COL4A3: variants seen among roughly 807,000 people sequenced by gnomAD.
COL4A3 encodes the protein collagen alpha-3(IV) chain.
Under a neutral mutation model 217.4 loss-of-function variants are expected in COL4A3, and 135 were observed. The observed-to-expected ratio is 0.62, with a 90% CI of 0.54 to 0.72. COL4A3 has a LOEUF of 0.72. COL4A3 is among the 30% of genes least tolerant of loss of function. The pLI is 0.00. For missense variants in COL4A3, 1,868 were observed against 2,119.9 expected, an observed-to-expected ratio of 0.88 and a Z score of 2.33; for synonymous variants, 690 against 736.3, an observed-to-expected ratio of 0.94 and a Z score of 1.02.
Position 227,298,805 on chromosome 2 carries a change from G to C in COL4A3, c.3875G>C (p.Gly1292Ala), listed in dbSNP as rs1574825575. 1 of 1,613,534 alleles carries C rather than the reference G, an allele frequency of 6.2e-7. No homozygotes were observed. The highest frequency in any genetic ancestry group is 1.1e-5 in the South Asian group (1 of 91,070). ...PGTAGDMGPPGRLGAPGTPGL... is the reference protein window; with the variant it reads ...PGTAGDMGPPARLGAPGTPGL... ...ACTGCAGGAGACATGGGACCACCAGGTCGTCTGGTGAGTATGGATAATTAT... is the reference window on the plus strand; with the variant it reads ...ACTGCAGGAGACATGGGACCACCAGCTCGTCTGGTGAGTATGGATAATTAT... The change falls in exon 43 of 52, where the codon GGT (glycine) becomes GCT (alanine). Residue 1292 changes from glycine to alanine, a missense_variant. Gly to Ala is a moderately conservative substitution (Grantham distance 60). Coordinates refer to ENST00000396578, the MANE Select transcript of COL4A3 (RefSeq NM_000091.5).
Position 227,269,932 on chromosome 2 carries a change from G to C in COL4A3, c.1527G>C (p.Leu509Phe), listed in dbSNP as rs2125989308. Residue 509 changes from leucine to phenylalanine, a missense_variant, in exon 24 of 52, where the codon TTG (leucine) becomes TTC (phenylalanine). Physicochemically the swap from Leu to Phe is conservative, Grantham distance 22 (BLOSUM62 0). This residue lies in a region of COL4A3 where 1,503 missense variants were observed against 1,786.1 expected (regional missense o/e 0.84). Transcript: ENST00000396578. ...CAGGAAGACAAGGCGCAGCTGGCTT[G>C]AAAGGAAGCCCAGGGTCCCCAGGAA... is the stretch of plus-strand genomic sequence containing the variant. ...GIPGRQGAAG[L>F]KGSPGSPGNT... 2 of 1,613,912 alleles carry C rather than the reference G, an allele frequency of 1.2e-6. No individual in the cohort carries two copies. Among genetic ancestry groups the C allele is most frequent in the East Asian group, 4.5e-5 (2 of 44,874 alleles).
chr2:227,246,814 C>A, intron 7 of COL4A3, 76 bp downstream of exon 7: 1 of 1,242,318 alleles, frequency 8.0e-7, no homozygotes, highest in Non-Finnish European at 1.2e-6. Context: ...TGGCCATATA[C>A]ACAAATCCGT....
intron 37 of COL4A3, 91 bp downstream of exon 37, chr2:227,290,977 A>G: frequency 7.0e-7 from 1 of 1,423,502 alleles, no homozygotes; most frequent in Non-Finnish European, 9.6e-7. Flanking sequence ...GTGGGCAGAG[A>G]AAATTGAAAC....
At chr2:227,187,905 T>C (rs116191354) in intron 1 of COL4A3, among the ~76,000 whole-genome samples, 2,566 of 152,306 alleles carry the variant, frequency 0.017, 83 homozygotes, top group African/African-American at 0.058. Context: ...TTGGTCCAGC[T>C]GATCACTTCA....
intron 1 of COL4A3, chr2:227,222,334 G>A (rs887998021): frequency 1.3e-5 from 2 of 151,836 alleles, no homozygotes; most frequent in African/African-American, 4.8e-5. Flanking sequence ...CATTTTATAC[G>A]TAGTGAAAGT....
intron 1 of COL4A3, among the ~76,000 whole-genome samples, chr2:227,177,977 A>T (rs960306601): frequency 3.3e-5 from 5 of 152,234 alleles, no homozygotes; most frequent in Non-Finnish European, 7.3e-5. Context: ...TAAGTGAAAA[A>T]GTGGAAGCTC....
intron 8 of COL4A3, 58 bp downstream of exon 8, chr2:227,247,642 C>T (rs373346866): frequency 3.4e-5 from 51 of 1,520,564 alleles, no homozygotes; most frequent in East Asian, 1.1e-4. Context: ...ATGAAAAGGA[C>T]GTCTATTAAA....
In COL4A3 at chr2:227,202,972, T is replaced by C. The variant is rs763174278; in HGVS notation, c.88-34996T>C. Among the ~76,000 whole-genome samples, 127 of 23,312 alleles carry C rather than the reference T, an allele frequency of 5.4e-3. 15 individuals are homozygous for C. The highest frequency in any genetic ancestry group is 7.4e-3 in the Non-Finnish European group (101 of 13,642). The allele number at this position is 23,312 out of a possible 152,430, so 15.3% of individuals were successfully genotyped here. On this transcript the variant is annotated intron_variant, in intron 1 of 51. Transcript: ENST00000396578. Reference sequence around the variant, plus strand: ...ATATATACATATATGTGTATATATGTGTATATATACATATGTGTATATATG... The same window carrying C: ...ATATATACATATATGTGTATATATGCGTATATATACATATGTGTATATATG...
Position 227,282,314 on chromosome 2 carries a change from T to A in COL4A3, c.2489-51T>A. The A allele has an allele frequency of 3.4e-6, 4 of 1,188,342 alleles. No individual in the cohort carries two copies. The highest frequency in any genetic ancestry group is 4.9e-6 in the Non-Finnish European group (4 of 813,806). The allele number at this position is 1,188,342 out of a possible 1,614,324, so 73.6% of individuals were successfully genotyped here. ...TATATATATATATTTCTGAAGTTAG[T>A]AGGGGAAAGCATTTGTGGGTTAATT... On this transcript the variant is annotated intron_variant, in intron 31 of 51. Coordinates refer to ENST00000396578, the MANE Select transcript of COL4A3 (RefSeq NM_000091.5). The surrounding 1 kb of genome is among the most constrained non-coding windows in gnomAD (Gnocchi z 4.4).
intron 21 of COL4A3, 103 bp from the exon 22 acceptor site, chr2:227,266,314 A>G: frequency 1.1e-6 from 1 of 900,954 alleles, no homozygotes; most frequent in Non-Finnish European, 1.8e-6. Context: ...GGCTTCCAAT[A>G]CAAAGATGAG....
rs1559896717 is a variant in COL4A3, at chr2:227,282,275, A to ATATATATATACATATATAT, written c.2489-90_2489-89insTATATATATACATATATAT. The ATATATATATACATATATAT allele has an allele frequency of 4.2e-3, 1,483 of 354,486 alleles. 34 individuals carry two copies. Among genetic ancestry groups the ATATATATATACATATATAT allele is most frequent in the African/African-American group, 0.035 (1,407 of 39,992 alleles). 22.0% of individuals were successfully genotyped at this position (354,486 alleles called of 1,614,324 possible). The stretch of plus-strand genomic sequence containing the variant: ...AGACAGAGGGAGATTCCATCTTAAA[A>ATATATATATACATATATAT]ATATATATATATATATATATATATA... On this transcript the variant is annotated intron_variant, in intron 31 of 51. Coordinates refer to ENST00000396578, the MANE Select transcript of COL4A3 (RefSeq NM_000091.5). This position sits in a 1 kb window ranked among gnomAD's most constrained non-coding sequence, Gnocchi z 4.4.
chr2:227,183,556 A>T (rs2065923744), intron 1 of COL4A3, among the ~76,000 whole-genome samples: 1 of 152,172 alleles, frequency 6.6e-6, no homozygotes, highest in African/African-American at 2.4e-5. Flanking sequence ...CAGGTAGAAG[A>T]TTGACTCAAA....
chr2:227,190,972 A>G (rs1259647091), intron 1 of COL4A3, among the ~76,000 whole-genome samples: 3 of 152,212 alleles, frequency 2.0e-5, no homozygotes, highest in African/African-American at 7.2e-5. Flanking sequence ...CTACTTAAGG[A>G]CAATATCATT....
At chr2:227,185,756 G>A (rs991107228) in intron 1 of COL4A3, among the ~76,000 whole-genome samples, 1 of 152,218 alleles carries the variant, frequency 6.6e-6, no homozygotes, top group Non-Finnish European at 1.5e-5. Flanking sequence ...GTGTGCATGA[G>A]AGGGAGTGTA....
At chr2:227,216,948 A>G (rs2067549233) in intron 1 of COL4A3, among the ~76,000 whole-genome samples, 1 of 152,164 alleles carries the variant, frequency 6.6e-6, no homozygotes, top group African/African-American at 2.4e-5. Context: ...CCTGTGTCCA[A>G]ATGGTATCCT....
At chr2:227,245,027 A>G (rs190249806) in intron 5 of COL4A3, 32 bp downstream of exon 5, 1 of 1,593,498 alleles carries the variant, frequency 6.3e-7, no homozygotes, top group Non-Finnish European at 8.6e-7. Context: ...TAGCTAGAAA[A>G]TTTAAAAGTA....
chr2:227,216,682 A>G (rs534557599), intron 1 of COL4A3, among the ~76,000 whole-genome samples: 13 of 152,338 alleles, frequency 8.5e-5, no homozygotes, highest in African/African-American at 3.1e-4. Flanking sequence ...ATGCAAATAA[A>G]TATCTCTATG....
chr2:227,178,395 G>T (rs896524845), intron 1 of COL4A3, among the ~76,000 whole-genome samples: 2 of 151,738 alleles, frequency 1.3e-5, no homozygotes, highest in Non-Finnish European at 2.9e-5. Context: ...AAAAGAAAAA[G>T]AAAAGAAAAA....
chr2:227,256,367 C>T lies in COL4A3; in HGVS notation c.958C>T (p.Pro320Ser). 1 of 1,613,496 alleles carries T rather than the reference C, an allele frequency of 6.2e-7. No homozygotes were observed. The highest frequency in any genetic ancestry group is 8.5e-7 in the Non-Finnish European group (1 of 1,179,594). Residue 320 changes from proline to serine, a missense_variant, in exon 17 of 52, where the codon CCT (proline) becomes TCT (serine). By Grantham distance (74) the Pro-to-Ser change is moderately conservative. Coordinates refer to ENST00000396578, the MANE Select transcript of COL4A3 (RefSeq NM_000091.5). Reference protein sequence around the residue: ...SEGVKGNRGFPGLMGEDGIKG... With the variant: ...SEGVKGNRGFSGLMGEDGIKG... ...GGGAGTCAAGGGCAACAGGGGTTTC[C>T]CTGGGTTAATGGGTGAAGATGGCAT...
Sources: gnomAD v4.1 joint callset for allele counts (sites outside exome capture counted in the v4.1 genomes callset) on GRCh38, gnomAD v4.1.1 for gene constraint, gnomAD v4.1.1 regional missense constraint, Gnocchi (gnomAD v3.1) non-coding constraint, MANE v1.5 for transcripts, NCBI Gene and HGNC (gene_info 2026-07-23, HGNC 2026-07-21) for gene names.